The following RABGAP1L variants were observed in gnomAD, a reference collection of about 807,000 sequenced individuals.
RABGAP1L encodes rab GTPase-activating protein 1-like.
RABGAP1L carries 63 observed loss-of-function variants against 137.7 expected under a neutral mutation model. That is an observed-to-expected ratio of 0.46 (90% CI 0.37 to 0.56). The LOEUF is 0.56. Ranked by LOEUF, RABGAP1L falls within the 20% of genes least tolerant of loss-of-function variation. RABGAP1L has a pLI of 0.00. For synonymous variants in RABGAP1L, 431 were observed against 433.7 expected, an observed-to-expected ratio of 0.99 and a Z score of 0.08; for missense variants, 1,095 against 1,244.0, an observed-to-expected ratio of 0.88 and a Z score of 1.80.
intron 5 of RABGAP1L, among the ~76,000 whole-genome samples, chr1:174,243,450 A>G (rs912888163): frequency 6.6e-6 from 1 of 152,202 alleles, no homozygotes; most frequent in Non-Finnish European, 1.5e-5. Flanking sequence ...GTGGTAAAAT[A>G]TATTGTTTGA....
At chr1:174,549,423 G>A (rs564821414) in intron 13 of RABGAP1L, among the ~76,000 whole-genome samples, 52 of 152,272 alleles carry the variant, frequency 3.4e-4, no homozygotes, top group African/African-American at 1.2e-3. Flanking sequence ...AGCATTAAAG[G>A]GGGAGACTGG....
Position 174,833,390 on chromosome 1 carries a change from GTGTGTGTGTGTA to G in RABGAP1L, c.2340+21438_2340+21449del, listed in dbSNP as rs1558126952. On this transcript the variant is annotated intron_variant, in intron 19 of 25. Coordinates refer to ENST00000681986, the MANE Select transcript of RABGAP1L (RefSeq NM_001366446.1). ...AATTTGTGTGTGTGTGTGTGTGTGT[GTGTGTGTGTGTA>G]TGTGTGTATGTGTGTGTGTGTATAT... Among the ~76,000 whole-genome samples, 2 of 49,858 alleles carry G rather than the reference GTGTGTGTGTGTA, an allele frequency of 4.0e-5. 1 individual carries two copies. Among genetic ancestry groups the G allele is most frequent in the African/African-American group, 7.4e-5 (2 of 27,192 alleles). 32.7% of individuals were successfully genotyped at this position (49,858 alleles called of 152,430 possible).
intron 11 of RABGAP1L, among the ~76,000 whole-genome samples, chr1:174,360,248 T>A (rs1317905024): frequency 3.2e-5 from 1 of 31,658 alleles, no homozygotes; most frequent in Admixed American, 2.5e-4. Flanking sequence ...AAAGTTAAAA[T>A]TTTTTTTTGC....
At chr1:174,546,257 A>G (rs1353286415) in intron 13 of RABGAP1L, among the ~76,000 whole-genome samples, 4 of 152,228 alleles carry the variant, frequency 2.6e-5, no homozygotes, top group South Asian at 2.1e-4. Flanking sequence ...AGAGTATACT[A>G]TAACCAAGTG....
intron 13 of RABGAP1L, among the ~76,000 whole-genome samples, chr1:174,600,038 C>T (rs1670294733): frequency 2.0e-5 from 3 of 152,052 alleles, no homozygotes; most frequent in Non-Finnish European, 2.9e-5. Context: ...ACTTACAGTT[C>T]GACATGGCTG....
In RABGAP1L at chr1:174,752,318, G is replaced by T; in HGVS notation, c.2175G>T (p.Leu725Phe). 2 of 1,584,930 alleles carry T rather than the reference G, an allele frequency of 1.3e-6. No individual in the cohort carries two copies. Among genetic ancestry groups the T allele is most frequent in the South Asian group, 1.1e-5 (1 of 87,132 alleles). ...HIIDLLLCEG[L>F]NIIFHVALAL... ...ACTTTCTTTTTCTATTTCAGGGTTTGAACATAATCTTTCATGTAGCTTTGG... is the reference window on the plus strand; with the variant it reads ...ACTTTCTTTTTCTATTTCAGGGTTTTAACATAATCTTTCATGTAGCTTTGG... Residue 725 changes from leucine (L) to phenylalanine (F), a missense_variant, in exon 18 of 26, where the codon TTG becomes TTT. Physicochemically the swap from Leu to Phe is conservative, Grantham distance 22. This residue lies in a region of RABGAP1L where 312 missense variants were observed against 435.6 expected (regional missense o/e 0.72). Transcript: ENST00000681986.
intron 19 of RABGAP1L, among the ~76,000 whole-genome samples, chr1:174,910,030 T>C (rs1375119553): frequency 3.3e-5 from 5 of 152,096 alleles, no homozygotes; most frequent in African/African-American, 9.7e-5. Flanking sequence ...TCCCAGCTAC[T>C]TGGGAGGCTG....
intron 19 of RABGAP1L, among the ~76,000 whole-genome samples, chr1:174,921,368 C>T (rs1226056576): frequency 6.6e-6 from 1 of 152,188 alleles, no homozygotes; most frequent in South Asian, 2.1e-4. Context: ...CCATTGCCCT[C>T]TCTCTTACAA....
At chr1:174,808,658 CT>C (rs531245667) in intron 18 of RABGAP1L, among the ~76,000 whole-genome samples, 3,471 of 143,154 alleles carry the variant, frequency 0.024, 51 homozygotes, top group Middle Eastern at 0.088. Context: ...TTCTTTCTTT[CT>C]TTTTTTTTTT....
chr1:174,363,068 G>T (rs1276590520), intron 11 of RABGAP1L, among the ~76,000 whole-genome samples: 1 of 152,110 alleles, frequency 6.6e-6, no homozygotes, highest in Non-Finnish European at 1.5e-5. Context: ...GCTTGTTTTT[G>T]TCAGGTTTGT....
At chr1:174,443,774 A>G (rs1043509553) in intron 13 of RABGAP1L, among the ~76,000 whole-genome samples, 6 of 151,898 alleles carry the variant, frequency 4.0e-5, no homozygotes, top group Non-Finnish European at 8.8e-5. Context: ...GTCCTGAAGC[A>G]TTTCCCAGTG....
chr1:174,765,096 G>A (rs1025166645), intron 18 of RABGAP1L, among the ~76,000 whole-genome samples: 7 of 152,190 alleles, frequency 4.6e-5, no homozygotes, highest in African/African-American at 1.4e-4. Context: ...CGTAGGGCAG[G>A]AATTCCTCCC....
intron 4 of RABGAP1L, 90 bp downstream of exon 4, chr1:174,231,445 T>C (rs2148507268): frequency 3.4e-6 from 4 of 1,179,446 alleles, no homozygotes; most frequent in Non-Finnish European, 5.0e-6. Flanking sequence ...TAGAACTTAC[T>C]GTGAACTCAC....
intron 13 of RABGAP1L, among the ~76,000 whole-genome samples, chr1:174,447,009 C>A (rs1222636810): frequency 6.6e-6 from 1 of 151,992 alleles, no homozygotes; most frequent in African/African-American, 2.4e-5. Flanking sequence ...TATACAGTTG[C>A]AAAGGTGAGA....
intron 13 of RABGAP1L, among the ~76,000 whole-genome samples, chr1:174,492,163 C>CT (rs1429039430): frequency 6.8e-6 from 1 of 147,490 alleles, no homozygotes; most frequent in Non-Finnish European, 1.5e-5. Context: ...GCTCCACCCT[C>CT]TATGTCGAAT....
intron 19 of RABGAP1L, among the ~76,000 whole-genome samples, chr1:174,894,788 G>T (rs1242386908): frequency 6.6e-6 from 1 of 152,034 alleles, no homozygotes; most frequent in African/African-American, 2.4e-5. Context: ...TGAGACAGTT[G>T]CTCTGTCGCC....
chr1:174,529,292 A>C (rs1664188604), intron 13 of RABGAP1L, among the ~76,000 whole-genome samples: 1 of 151,868 alleles, frequency 6.6e-6, no homozygotes, highest in Admixed American at 6.6e-5. Flanking sequence ...TCTGGCTTTT[A>C]TAGAGGAGGA....
At chr1:174,545,058 C>T (rs1468665890) in intron 13 of RABGAP1L, 2 of 152,548 alleles carry the variant, frequency 1.3e-5, no homozygotes, top group East Asian at 3.9e-4. Flanking sequence ...TGTCAGGGAC[C>T]CACTTGAGGA....
intron 19 of RABGAP1L, chr1:174,850,010 C>G (rs777467466): frequency 3.0e-6 from 2 of 661,788 alleles, no homozygotes; most frequent in African/African-American, 1.8e-5. Context: ...TATGAGCAAT[C>G]TCTCCCTTAA....
Sources: allele counts gnomAD v4.1 joint callset (sites outside exome capture counted in the v4.1 genomes callset), GRCh38; gene constraint gnomAD v4.1.1; regional missense constraint gnomAD v4.1.1; transcripts MANE v1.5; gene names NCBI Gene and HGNC (gene_info 2026-07-23, HGNC 2026-07-21).